Variants in CNDP1 observed in about 807,000 individuals in gnomAD.
The protein encoded by CNDP1 is beta-Ala-His dipeptidase.
In CNDP1, 44 loss-of-function variants were observed where a neutral mutation model predicts 58.1. That is an observed-to-expected ratio of 0.76 (90% CI 0.60 to 0.97). The LOEUF (loss-of-function observed/expected upper bound fraction) is 0.97. Ranked by LOEUF, CNDP1 falls within the 50% of genes least tolerant of loss-of-function variation. The pLI is 0.00. For synonymous variants in CNDP1, 254 were observed against 252.6 expected, an observed-to-expected ratio of 1.01 and a Z score of -0.05; for missense variants, 616 against 655.1, an observed-to-expected ratio of 0.94 and a Z score of 0.65.
chr18:74,559,176 A>G (rs900568067), intron 2 of CNDP1, 147 bp from the exon 3 acceptor site: 1 of 732,288 alleles, frequency 1.4e-6, no homozygotes, highest in African/African-American at 1.8e-5. Context: ...TAAATGTCAC[A>G]GTGTTCACTG....
chr18:74,567,319 G>A lies in CNDP1; in HGVS notation c.642G>A (p.Lys214=). ...TGGAGGAACTTGTGGAAAAAGAAAA[G>A]GACCGATTCTTCTCTGGTGTGGACT... ...VALEELVEKE[K]DRFFSGVDYI... Residue 214 remains lysine, a synonymous_variant, in exon 6 of 12, where the codon AAG becomes AAA. Coordinates refer to ENST00000358821, the MANE Select transcript of CNDP1 (RefSeq NM_032649.6). The A allele has an allele frequency of 6.2e-7, 1 of 1,614,140 alleles. No homozygotes were observed.
At chr18:74,559,247 C>T in intron 2 of CNDP1, 76 bp from the exon 3 acceptor site, 1 of 1,488,854 alleles carries the variant, frequency 6.7e-7, no homozygotes, top group Non-Finnish European at 9.4e-7. Context: ...CTCGCTGTCT[C>T]CTGCCCTCCC....
intron 1 of CNDP1, among the ~76,000 whole-genome samples, chr18:74,552,510 A>C (rs1980936334): frequency 6.6e-6 from 1 of 152,246 alleles, no homozygotes; most frequent in Non-Finnish European, 1.5e-5. Context: ...ATGGAATCAC[A>C]ATACATGGCC....
In CNDP1 at chr18:74,567,324, G is replaced by A. The variant is rs200332997; in HGVS notation, c.647G>A (p.Arg216Gln). The A allele has an allele frequency of 1.4e-5, 22 of 1,614,074 alleles. No individual in the cohort carries two copies. The East Asian group carries it at 1.6e-4, about 11-fold the overall frequency. Residue 216 changes from arginine (R) to glutamine (Q), a missense_variant, in exon 6 of 12, where the codon CGA becomes CAA. Physicochemically the swap from Arg to Gln is conservative, Grantham distance 43. Coordinates refer to ENST00000358821, the MANE Select transcript of CNDP1 (RefSeq NM_032649.6). ...GAACTTGTGGAAAAAGAAAAGGACC[G>A]ATTCTTCTCTGGTGTGGACTACATT... Reference protein sequence around the residue: ...LEELVEKEKDRFFSGVDYIVI... With the variant: ...LEELVEKEKDQFFSGVDYIVI...
chr18:74,577,890 C>G, intron 8 of CNDP1: 1 of 329,824 alleles, frequency 3.0e-6, no homozygotes, highest in Non-Finnish European at 5.5e-6. Context: ...TGAAAGGGCC[C>G]CTTTGCCATT....
At chr18:74,569,478 A>G (rs1393233945) in intron 6 of CNDP1, among the ~76,000 whole-genome samples, 1 of 152,192 alleles carries the variant, frequency 6.6e-6, no homozygotes, top group African/African-American at 2.4e-5. Flanking sequence ...AGCATGCTCA[A>G]GTGGAAGGCA....
intron 1 of CNDP1, among the ~76,000 whole-genome samples, chr18:74,542,571 G>C (rs952677707): frequency 6.6e-6 from 1 of 151,952 alleles, no homozygotes; most frequent in East Asian, 1.9e-4. Flanking sequence ...CAAAGCAATT[G>C]CATATACTTC....
At chr18:74,548,660 T>G (rs1416240726) in intron 1 of CNDP1, among the ~76,000 whole-genome samples, 1 of 151,870 alleles carries the variant, frequency 6.6e-6, no homozygotes, top group Non-Finnish European at 1.5e-5. Context: ...CAGACAGAGG[T>G]TGGAAGAGTT....
intron 9 of CNDP1, among the ~76,000 whole-genome samples, chr18:74,579,516 A>G (rs1568301097): frequency 6.6e-6 from 1 of 152,098 alleles, no homozygotes; most frequent in Non-Finnish European, 1.5e-5. Flanking sequence ...TCTCTGGGAC[A>G]TGACACGTGT....
chr18:74,580,748 G>A (rs538054936), intron 10 of CNDP1, among the ~76,000 whole-genome samples: 138 of 152,222 alleles, frequency 9.1e-4, no homozygotes, highest in Non-Finnish European at 7.1e-4. Flanking sequence ...CAGGAGGATC[G>A]CGTGAGCTCA....
At chr18:74,547,390 C>G (rs1340561398) in intron 1 of CNDP1, among the ~76,000 whole-genome samples, 1 of 152,228 alleles carries the variant, frequency 6.6e-6, no homozygotes, top group African/African-American at 2.4e-5. Context: ...AGGACCCACC[C>G]TTGGCCTGAG....
chr18:74,555,135 A>G (rs1040932002), intron 1 of CNDP1, among the ~76,000 whole-genome samples: 4 of 152,216 alleles, frequency 2.6e-5, no homozygotes, highest in African/African-American at 9.7e-5. Context: ...AACAAGTCAG[A>G]ATTTGATAAC....
Position 74,556,454 on chromosome 18 carries a change from T to C in CNDP1, c.141T>C (p.Asp47=). The C allele has an allele frequency of 3.1e-6, 5 of 1,614,240 alleles. No homozygotes were observed. The highest frequency in any genetic ancestry group is 4.2e-6 in the Non-Finnish European group (5 of 1,180,040). ...KVFQYIDLHQ[D]EFVQTLKEWV... ...TCCAGTACATTGACCTCCATCAGGA[T>C]GAATTTGTGCAGGTAGGAGAAAGAA... Residue 47 remains aspartate (D), a synonymous_variant, in exon 2 of 12, where the codon GAT becomes GAC. Transcript: ENST00000358821.
chr18:74,569,069 G>A (rs930924736), intron 6 of CNDP1, among the ~76,000 whole-genome samples: 6 of 152,156 alleles, frequency 3.9e-5, no homozygotes, highest in African/African-American at 1.2e-4. Flanking sequence ...ACGTCTTAAT[G>A]AAGACCGAGA....
intron 1 of CNDP1, among the ~76,000 whole-genome samples, chr18:74,544,809 C>T (rs1480598719): frequency 6.6e-6 from 1 of 151,198 alleles, no homozygotes; most frequent in Non-Finnish European, 1.5e-5. Context: ...TTCAAAAATG[C>T]CTGTCCACCT....
intron 5 of CNDP1, among the ~76,000 whole-genome samples, chr18:74,562,773 C>T (rs187042993): frequency 6.2e-4 from 95 of 152,304 alleles, no homozygotes; most frequent in Non-Finnish European, 1.0e-3. Context: ...CCCAGGTTTG[C>T]ACCTTTAACT....
chr18:74,576,911 T>G lies in CNDP1; in HGVS notation c.884T>G (p.Ile295Ser), dbSNP rs1000522024. The G allele has an allele frequency of 6.2e-7, 1 of 1,613,398 alleles. No homozygotes were observed. The highest frequency in any genetic ancestry group is 1.3e-5 in the African/African-American group (1 of 75,044). Residue 295 changes from isoleucine (I) to serine (S), a missense_variant, in exon 8 of 12, where the codon ATC becomes AGC. Transcript: ENST00000358821. ...DSSGHILVPG[I>S]YDEVVPLTEE... ...TCTGGTCATATCCTGGTCCCTGGAA[T>G]CTATGATGAAGTGGTTCCTCTTACA...
At chr18:74,582,480 A>G (rs1981813319) in intron 10 of CNDP1, among the ~76,000 whole-genome samples, 1 of 152,258 alleles carries the variant, frequency 6.6e-6, no homozygotes, top group Admixed American at 6.5e-5. Context: ...TAGTACAGCT[A>G]TTGGCATATC....
At chr18:74,551,843 G>T (rs1980917631) in intron 1 of CNDP1, among the ~76,000 whole-genome samples, 1 of 151,458 alleles carries the variant, frequency 6.6e-6, no homozygotes. Flanking sequence ...TTTTTTTAAT[G>T]GAACTTGTCT....
Sources: allele counts gnomAD v4.1 joint callset (sites outside exome capture counted in the v4.1 genomes callset), GRCh38; gene constraint gnomAD v4.1.1; transcripts MANE v1.5; gene names NCBI Gene and HGNC (gene_info 2026-07-23, HGNC 2026-07-21).